EPB41L5: variants seen among roughly 807,000 people sequenced by gnomAD.
EPB41L5 encodes erythrocyte membrane protein band 4.1 like 5.
A neutral mutation model predicts 106.6 loss-of-function variants in EPB41L5; 55 were observed. The ratio of observed to expected loss-of-function variants is 0.52; its 90% CI spans 0.42 to 0.65. EPB41L5 has a LOEUF of 0.65. Among genes scored for constraint, EPB41L5 ranks in the 30% least tolerant of loss-of-function variants. The pLI, the probability that EPB41L5 is intolerant of heterozygous loss-of-function variation, is 0.00. For synonymous variants in EPB41L5, 297 were observed against 306.7 expected (o/e 0.97, Z 0.33); for missense variants, 871 against 882.1 (o/e 0.99, Z 0.16).
In EPB41L5 at chr2:120,090,327, T is replaced by C. The variant is rs760620157; in HGVS notation, c.874-20T>C. On this transcript the variant is annotated intron_variant, in intron 11 of 24. Transcript: ENST00000263713. ...GTTTGAATTAGTAATCATCCTTTTA[T>C]ATATACTTTTCTTTTTCAGGGCAAA... is the stretch of plus-strand genomic sequence containing the variant. The C allele has an allele frequency of 1.1e-5, 17 of 1,574,800 alleles. No individual in the cohort carries two copies. The South Asian group carries it at 2.0e-4, about 19-fold the overall frequency.
In EPB41L5 at chr2:120,166,638, A is replaced by G. The variant is rs1294880773; in HGVS notation, c.1963-828A>G. ...TTTTTAGTAGAGGCAGGGTTTCACC[A>G]TGTTGGCCAGGATGGTCTTGATCTC... On this transcript the variant is annotated intron_variant, in intron 22 of 24. Coordinates refer to ENST00000263713, the MANE Select transcript of EPB41L5 (RefSeq NM_020909.4). Among the ~76,000 whole-genome samples the G allele has an allele frequency of 3.3e-5, 5 of 152,192 alleles. 1 individual carries two copies. The highest frequency in any genetic ancestry group is 9.6e-5 in the African/African-American group (4 of 41,454).
chr2:120,048,080 G>A (rs1240810247), intron 3 of EPB41L5, among the ~76,000 whole-genome samples: 1 of 150,838 alleles, frequency 6.6e-6, no homozygotes, highest in Non-Finnish European at 1.5e-5. Flanking sequence ...TTATTGAGGA[G>A]TTTTGCATTG....
chr2:120,056,982 A>C (rs566529921), intron 3 of EPB41L5, among the ~76,000 whole-genome samples: 1 of 152,210 alleles, frequency 6.6e-6, no homozygotes, highest in Admixed American at 6.5e-5. Context: ...CTGCGGCCTC[A>C]ACCTCCCAGG....
intron 3 of EPB41L5, among the ~76,000 whole-genome samples, chr2:120,049,834 C>T (rs949049657): frequency 2.0e-5 from 3 of 152,184 alleles, no homozygotes; most frequent in East Asian, 3.8e-4. Flanking sequence ...GTGCTTCCTT[C>T]AGGAGCTCTT....
chr2:120,100,589 G>C, intron 15 of EPB41L5, 110 bp from the exon 16 acceptor site: 2 of 789,486 alleles, frequency 2.5e-6, no homozygotes, highest in Non-Finnish European at 4.3e-6. Flanking sequence ...TCAAGCATTT[G>C]TATACATTTT....
intron 24 of EPB41L5, among the ~76,000 whole-genome samples, chr2:120,173,692 C>CATT (rs111677646): frequency 4.1e-4 from 62 of 152,224 alleles, no homozygotes; most frequent in African/African-American, 1.4e-3. Flanking sequence ...CATCTTTAAA[C>CATT]TTTTTTTAGA....
chr2:120,087,972 C>T (rs184338584), intron 11 of EPB41L5, among the ~76,000 whole-genome samples: 1 of 152,238 alleles, frequency 6.6e-6, no homozygotes, highest in Non-Finnish European at 1.5e-5. Context: ...TGAATGACTC[C>T]ATTTATCTGA....
intron 2 of EPB41L5, among the ~76,000 whole-genome samples, chr2:120,024,940 A>G (rs1000037269): frequency 6.6e-6 from 1 of 152,152 alleles, no homozygotes; most frequent in Non-Finnish European, 1.5e-5. Context: ...ATCGATGTTC[A>G]TCAGGGATAT....
chr2:120,106,634 A>G, intron 16 of EPB41L5: 5 of 984,162 alleles, frequency 5.1e-6, no homozygotes, highest in Non-Finnish European at 6.0e-6. Flanking sequence ...TGCTTTGGCT[A>G]ATTTTATTTA....
At chr2:120,092,366 A>G in intron 13 of EPB41L5, among the ~76,000 whole-genome samples, 1 of 152,308 alleles carries the variant, frequency 6.6e-6, no homozygotes, top group Middle Eastern at 3.4e-3. Flanking sequence ...AATTTATTTC[A>G]TATTGTATTA....
At chr2:120,150,378 G>A (rs1168958852) in intron 20 of EPB41L5, among the ~76,000 whole-genome samples, 1 of 151,986 alleles carries the variant, frequency 6.6e-6, no homozygotes, top group Non-Finnish European at 1.5e-5. Context: ...CTGGAATGCA[G>A]TGGCACAATC....
intron 2 of EPB41L5, among the ~76,000 whole-genome samples, chr2:120,023,897 A>G (rs1008507942): frequency 6.6e-6 from 1 of 152,158 alleles, no homozygotes; most frequent in African/African-American, 2.4e-5. Flanking sequence ...GGTCCTTCAC[A>G]TCTCTTGTGA....
intron 1 of EPB41L5, among the ~76,000 whole-genome samples, chr2:120,014,485 C>T (rs1677375187): frequency 6.6e-6 from 1 of 151,998 alleles, no homozygotes; most frequent in Non-Finnish European, 1.5e-5. Context: ...GGGAAGTAGT[C>T]AGTAAAAAAG....
intron 2 of EPB41L5, among the ~76,000 whole-genome samples, chr2:120,036,677 CAAG>C (rs1679059504): frequency 6.6e-6 from 1 of 151,728 alleles, no homozygotes; most frequent in Admixed American, 6.6e-5. Context: ...CAACATGAAA[CAAG>C]AACAAAAACT....
At chr2:120,062,046 GAGA>G (rs1220811374) in intron 3 of EPB41L5, among the ~76,000 whole-genome samples, 1 of 152,072 alleles carries the variant, frequency 6.6e-6, no homozygotes, top group Non-Finnish European at 1.5e-5. Flanking sequence ...TTCTAATAAA[GAGA>G]AGAAGATGAC....
At chr2:120,018,180 G>C (rs970925245) in intron 1 of EPB41L5, among the ~76,000 whole-genome samples, 1 of 151,796 alleles carries the variant, frequency 6.6e-6, no homozygotes, top group African/African-American at 2.4e-5. Context: ...TGTTAGCCAG[G>C]ATGGTCTCGA....
intron 18 of EPB41L5, among the ~76,000 whole-genome samples, chr2:120,134,517 G>T (rs1685838986): frequency 6.6e-6 from 1 of 152,190 alleles, no homozygotes; most frequent in African/African-American, 2.4e-5. Context: ...TCACTGGCAG[G>T]TCTGACTCAG....
intron 10 of EPB41L5, among the ~76,000 whole-genome samples, chr2:120,080,872 T>G (rs1259839021): frequency 6.6e-6 from 1 of 152,260 alleles, no homozygotes; most frequent in East Asian, 1.9e-4. Flanking sequence ...GATGAGCATT[T>G]TTTCATGTGT....
chr2:120,125,298 G>C (rs1480558531), intron 16 of EPB41L5, among the ~76,000 whole-genome samples: 2 of 152,024 alleles, frequency 1.3e-5, no homozygotes, highest in African/African-American at 4.8e-5. Context: ...ATGCATTCTT[G>C]CCCTGCCAAA....
Sources: gnomAD v4.1 joint callset for allele counts (sites outside exome capture counted in the v4.1 genomes callset) on GRCh38, gnomAD v4.1.1 for gene constraint, MANE v1.5 for transcripts, NCBI Gene and HGNC (gene_info 2026-07-23, HGNC 2026-07-21) for gene names.